The following CFAP221 variants were observed in gnomAD, a reference collection of about 807,000 sequenced individuals.
CFAP221 encodes cilia- and flagella-associated protein 221.
Under a neutral mutation model 113.1 loss-of-function variants are expected in CFAP221, and 97 were observed. The ratio of observed to expected loss-of-function variants is 0.86; its 90% CI spans 0.73 to 1.02. The LOEUF (loss-of-function observed/expected upper bound fraction) is 1.02, where lower values mean the gene tolerates loss of function less well. CFAP221 is among the 50% of genes least tolerant of loss of function. CFAP221 has a pLI of 0.00. For synonymous variants in CFAP221, 331 were observed against 354.4 expected (o/e 0.93, Z 0.74); for missense variants, 1,025 against 1,013.4 (o/e 1.01, Z -0.16).
At chr2:119,549,867 T>A (rs1680300887) in intron 3 of CFAP221, among the ~76,000 whole-genome samples, 1 of 152,206 alleles carries the variant, frequency 6.6e-6, no homozygotes, top group South Asian at 2.1e-4. Flanking sequence ...GCAACTGCTG[T>A]TTAGCACAGA....
intron 6 of CFAP221, among the ~76,000 whole-genome samples, chr2:119,565,147 A>G (rs1391340085): frequency 1.3e-5 from 2 of 152,156 alleles, no homozygotes; most frequent in African/African-American, 2.4e-5. Context: ...CAAGAACTCC[A>G]CCACAGTACT....
chr2:119,628,294 G>GGGGTGTGTGTGT (rs1553491014), intron 16 of CFAP221, among the ~76,000 whole-genome samples: 7 of 137,490 alleles, frequency 5.1e-5, no homozygotes, highest in Non-Finnish European at 9.2e-5. Context: ...CTCTCTGGGG[G>GGGGTGTGTGTGT]GTGTGTGTGT....
rs139402031 is a variant in CFAP221 at position 119,627,354 on chromosome 2, A to T, written c.1517-299A>T. 4.5e-3 allele frequency among the ~76,000 whole-genome samples: 683 copies of T among 152,188 alleles called. 4 individuals carry two copies. The highest frequency in any genetic ancestry group is 0.016 in the African/African-American group (650 of 41,528). On this transcript the variant is annotated intron_variant, in intron 15 of 23. Transcript: ENST00000413369. ...ATTATAAAATTTACTTGTGAATTCC[A>T]TGGGTCTGTGTAGAAAATGTCTTCA...
chr2:119,587,263 A>C (rs929313438), intron 7 of CFAP221, 41 bp downstream of exon 7: 1 of 1,343,272 alleles, frequency 7.4e-7, no homozygotes, highest in South Asian at 1.4e-5. Flanking sequence ...AACAAGAATA[A>C]GCTGCATTCA....
chr2:119,574,876 A>G (rs889030605), intron 6 of CFAP221, among the ~76,000 whole-genome samples: 2 of 152,142 alleles, frequency 1.3e-5, no homozygotes, highest in African/African-American at 4.8e-5. Context: ...CTCACCCCAG[A>G]TTCTTATATA....
At chr2:119,634,616 A>ACATATT (rs1687001318) in intron 19 of CFAP221, among the ~76,000 whole-genome samples, 1 of 152,248 alleles carries the variant, frequency 6.6e-6, no homozygotes, top group Admixed American at 6.5e-5. Context: ...GCATATTCAG[A>ACATATT]CAGTGGAATA....
At chr2:119,557,300 C>G (rs1313931319) in intron 3 of CFAP221, 1 of 152,202 alleles carries the variant, frequency 6.6e-6, no homozygotes, top group Non-Finnish European at 1.5e-5. Flanking sequence ...AGACACTCTG[C>G]AACACATATG....
At chr2:119,623,738 G>C (rs573688508) in intron 14 of CFAP221, among the ~76,000 whole-genome samples, 1 of 152,270 alleles carries the variant, frequency 6.6e-6, no homozygotes, top group East Asian at 1.9e-4. Flanking sequence ...TCTGATATTT[G>C]ACAAACCTGA....
intron 3 of CFAP221, among the ~76,000 whole-genome samples, chr2:119,555,090 CT>C (rs1463423010): frequency 2.0e-5 from 3 of 152,150 alleles, no homozygotes; most frequent in Admixed American, 6.5e-5. Flanking sequence ...TGTGAGCCCT[CT>C]TGGGGAAATT....
intron 7 of CFAP221, among the ~76,000 whole-genome samples, chr2:119,596,799 A>G (rs1684013889): frequency 6.6e-6 from 1 of 152,236 alleles, no homozygotes; most frequent in Non-Finnish European, 1.5e-5. Context: ...AACAGTATCC[A>G]AAAGCCCTCA....
chr2:119,559,607 G>A, intron 3 of CFAP221, 82 bp from the exon 4 acceptor site: 2 of 1,173,140 alleles, frequency 1.7e-6, no homozygotes, highest in South Asian at 2.7e-5. Flanking sequence ...ATTCTTTTAG[G>A]AACAGATGAA....
intron 6 of CFAP221, among the ~76,000 whole-genome samples, chr2:119,585,127 C>T (rs1683120565): frequency 6.6e-6 from 1 of 152,156 alleles, no homozygotes; most frequent in South Asian, 2.1e-4. Context: ...CAGAGCTTTA[C>T]ATATATCCAT....
chr2:119,572,557 C>T, intron 6 of CFAP221: 1 of 701,258 alleles, frequency 1.4e-6, no homozygotes, highest in South Asian at 1.5e-5. Context: ...ACAGCGTCTT[C>T]CTGGTACCAG....
At chr2:119,627,590 A>T in intron 15 of CFAP221, 63 bp from the exon 16 acceptor site, 1 of 1,507,018 alleles carries the variant, frequency 6.6e-7, no homozygotes, top group Non-Finnish European at 9.1e-7. Flanking sequence ...GCAAATATAT[A>T]TGGTGATTTC....
intron 14 of CFAP221, among the ~76,000 whole-genome samples, chr2:119,622,895 A>G (rs1296982433): frequency 1.3e-5 from 2 of 152,200 alleles, no homozygotes; most frequent in African/African-American, 4.8e-5. Context: ...ATTTATGACA[A>G]ACCCACAGCC....
rs957955247 is a variant in CFAP221 at position 119,601,539 on chromosome 2, G to T, written c.791+162G>T. On this transcript the variant is annotated intron_variant, in intron 8 of 23. Transcript: ENST00000413369. The stretch of plus-strand genomic sequence containing the variant: ...TACTGTAAAACATAACAGAAATATA[G>T]AATATATCTATGCTAGTAGCAAGAG... 13 of 647,430 alleles carry T rather than the reference G, an allele frequency of 2.0e-5. No homozygotes were observed. In the African/African-American group the frequency reaches 2.2e-4, roughly 11 times the overall value. The allele number at this position is 647,430 out of a possible 1,614,324, so 40.1% of individuals were successfully genotyped here.
At position 119,604,711 on chromosome 2, in the gene CFAP221, A is replaced by G; in HGVS notation, c.831A>G (p.Lys277=). ...EFERLNTLSK[K]VNVPPEKAMM... is the part of the protein sequence containing the mutation. The stretch of plus-strand genomic sequence containing the variant: ...AAAGGTTGAATACCCTTTCTAAGAA[A>G]GTAAACGTTCCTCCAGAAAAAGCAA... Residue 277 remains lysine (K), a synonymous_variant, in exon 9 of 24, where the codon AAA becomes AAG. Transcript: ENST00000413369. 6.4e-7 allele frequency: 1 copy of G among 1,554,714 alleles called. No individual in the cohort carries two copies. The highest frequency in any genetic ancestry group is 8.6e-7 in the Non-Finnish European group (1 of 1,156,180).
chr2:119,602,599 T>A (rs761190326), intron 8 of CFAP221: 45 of 984,242 alleles, frequency 4.6e-5, no homozygotes, highest in Non-Finnish European at 5.3e-5. Flanking sequence ...TCATGATTTT[T>A]CTTCCTAAAA....
At chr2:119,587,089 T>A in intron 6 of CFAP221, 30 bp from the exon 7 acceptor site, 1 of 1,430,266 alleles carries the variant, frequency 7.0e-7, no homozygotes, top group African/African-American at 1.4e-5. Flanking sequence ...AAAAATAATA[T>A]TTTTATTTTC....
Sources: gnomAD v4.1 joint callset for allele counts (sites outside exome capture counted in the v4.1 genomes callset) on GRCh38, gnomAD v4.1.1 for gene constraint, MANE v1.5 for transcripts, NCBI Gene and HGNC (gene_info 2026-07-23, HGNC 2026-07-21) for gene names.